Variants in GPR39 observed in about 807,000 individuals in gnomAD.
The protein encoded by GPR39 is G protein-coupled receptor 39, also known as zinc sensing receptor.
GPR39 carries 23 observed loss-of-function variants against 18.4 expected under a neutral mutation model. That is an observed-to-expected ratio of 1.25 (90% CI 0.90 to 1.77). The LOEUF (loss-of-function observed/expected upper bound fraction) is 1.77. Ranked by LOEUF, GPR39 falls within the 40% of genes most tolerant of loss-of-function variation. The pLI is 0.00. For missense variants in GPR39, 647 were observed against 602.4 expected, an observed-to-expected ratio of 1.07 and a Z score of -0.78; for synonymous variants, 280 against 257.9, an observed-to-expected ratio of 1.09 and a Z score of -0.82.
chr2:132,515,070 A>C (rs1253331740), intron 1 of GPR39, among the ~76,000 whole-genome samples: 1 of 152,204 alleles, frequency 6.6e-6, no homozygotes, highest in Non-Finnish European at 1.5e-5. Context: ...AATTGTGATG[A>C]CCATTGTCCC....
intron 1 of GPR39, among the ~76,000 whole-genome samples, chr2:132,482,076 G>C (rs144268431): frequency 6.6e-6 from 1 of 152,108 alleles, no homozygotes; most frequent in Admixed American, 6.6e-5. Flanking sequence ...CTAAATAATG[G>C]CTCTGCATTG....
intron 1 of GPR39, among the ~76,000 whole-genome samples, chr2:132,419,668 C>T (rs977010263): frequency 4.7e-4 from 72 of 152,298 alleles, no homozygotes; most frequent in African/African-American, 1.7e-3. Flanking sequence ...TCCCTTCCTC[C>T]ATAAATATTC....
At chr2:132,605,890 G>A (rs578221137) in intron 1 of GPR39, among the ~76,000 whole-genome samples, 17 of 152,302 alleles carry the variant, frequency 1.1e-4, no homozygotes, top group Non-Finnish European at 1.5e-4. Context: ...CTGAGCTGTC[G>A]TTTTACAAAC....
rs933778420 is a variant in GPR39 at position 132,625,522 on chromosome 2, A to G, written c.857-19579A>G. Among the ~76,000 whole-genome samples, 8 of 152,178 alleles carry G rather than the reference A, an allele frequency of 5.3e-5. No homozygotes were observed. The South Asian group carries it at 8.3e-4, about 16-fold the overall frequency. On this transcript the variant is annotated intron_variant, in intron 1 of 1. Transcript: ENST00000329321. ...GACTTCTCGGCACATAGTGCATTCC[A>G]GTTTTACGAAGATTTAAAGAGACAA...
At chr2:132,567,921 G>A (rs1370129171) in intron 1 of GPR39, among the ~76,000 whole-genome samples, 1 of 152,124 alleles carries the variant, frequency 6.6e-6, no homozygotes, top group Non-Finnish European at 1.5e-5. Flanking sequence ...CGCTATGTGA[G>A]ACATGCCTTT....
intron 1 of GPR39, among the ~76,000 whole-genome samples, chr2:132,502,411 T>C (rs1454844286): frequency 6.6e-6 from 1 of 152,164 alleles, no homozygotes; most frequent in Non-Finnish European, 1.5e-5. Context: ...CCCCAATCGC[T>C]TCTAGCTTGT....
chr2:132,575,712 T>C (rs576711830), intron 1 of GPR39, among the ~76,000 whole-genome samples: 6 of 152,342 alleles, frequency 3.9e-5, no homozygotes, highest in East Asian at 1.9e-4. Flanking sequence ...TGATATTGAA[T>C]GTCCTGCATG....
intron 1 of GPR39, among the ~76,000 whole-genome samples, chr2:132,585,589 C>T (rs1680709440): frequency 6.6e-6 from 1 of 152,230 alleles, no homozygotes; most frequent in Non-Finnish European, 1.5e-5. Flanking sequence ...ACCGCCGGCG[C>T]GGCTCCACGG....
rs1480634272 is a variant in GPR39 at position 132,591,265 on chromosome 2, AAAAAAAAAAAAAC to A, written c.857-53826_857-53814del. ...AGAGCGAGACTCCGTCTCAAAAAAA[AAAAAAAAAAAAAC>A]AAAAAAAAACAGAGGAACATTGTAG... On this transcript the variant is annotated intron_variant, in intron 1 of 1. Transcript: ENST00000329321. 2.4e-3 allele frequency among the ~76,000 whole-genome samples: 287 copies of A among 120,352 alleles called. 2 individuals carry two copies. The highest frequency in any genetic ancestry group is 9.9e-3 in the African/African-American group (252 of 25,376). 79.0% of individuals were successfully genotyped at this position (120,352 alleles called of 152,430 possible).
intron 1 of GPR39, among the ~76,000 whole-genome samples, chr2:132,576,406 A>C (rs1234237036): frequency 6.6e-6 from 1 of 151,982 alleles, no homozygotes; most frequent in African/African-American, 2.4e-5. Flanking sequence ...TAATTACAGC[A>C]CTTGAGGAGT....
At chr2:132,445,220 T>C (rs969960864) in intron 1 of GPR39, among the ~76,000 whole-genome samples, 2 of 152,246 alleles carry the variant, frequency 1.3e-5, no homozygotes, top group African/African-American at 4.8e-5. Context: ...GATTTTTTGT[T>C]TTAAATGTTA....
At chr2:132,562,806 A>G (rs1448312959) in intron 1 of GPR39, among the ~76,000 whole-genome samples, 1 of 152,172 alleles carries the variant, frequency 6.6e-6, no homozygotes, top group African/African-American at 2.4e-5. Flanking sequence ...CTCTTCCTAC[A>G]TCTCTAACTT....
intron 1 of GPR39, among the ~76,000 whole-genome samples, chr2:132,424,178 GA>G (rs1680071228): frequency 6.6e-6 from 1 of 152,322 alleles, no homozygotes; most frequent in South Asian, 2.1e-4. Context: ...AGATGAAAGT[GA>G]CTAGGGTGGT....
chr2:132,476,460 A>G (rs1681127507), intron 1 of GPR39, among the ~76,000 whole-genome samples: 1 of 151,752 alleles, frequency 6.6e-6, no homozygotes, highest in African/African-American at 2.4e-5. Context: ...ACATGGTGAA[A>G]CCCTGTCTCC....
At chr2:132,531,627 A>G (rs1468222988) in intron 1 of GPR39, among the ~76,000 whole-genome samples, 2 of 152,230 alleles carry the variant, frequency 1.3e-5, no homozygotes, top group East Asian at 3.8e-4. Flanking sequence ...AATGTAAAAG[A>G]ACAGAAATTA....
intron 1 of GPR39, among the ~76,000 whole-genome samples, chr2:132,640,008 G>C (rs574693954): frequency 6.6e-6 from 1 of 152,114 alleles, no homozygotes. Flanking sequence ...CTGGCCCCAG[G>C]AGATCTTGGG....
At chr2:132,489,434 C>T (rs781698847) in intron 1 of GPR39, among the ~76,000 whole-genome samples, 1 of 152,028 alleles carries the variant, frequency 6.6e-6, no homozygotes. Context: ...GGCGGCAGGC[C>T]GTGGGGCTGC....
chr2:132,644,907 TTGAAACAG>T, intron 1 of GPR39, 186 bp from the exon 2 acceptor site: 1 of 605,814 alleles, frequency 1.7e-6, no homozygotes, highest in African/African-American at 2.3e-5. Context: ...TCCCCCGGGT[TTGAAACAG>T]TGTTAAATTC....
intron 1 of GPR39, among the ~76,000 whole-genome samples, chr2:132,483,607 G>A (rs1047769247): frequency 6.6e-6 from 1 of 152,204 alleles, no homozygotes; most frequent in Non-Finnish European, 1.5e-5. Flanking sequence ...GGCTGGTCTT[G>A]TCTCTCAAAA....
Sources: gnomAD v4.1 joint callset for allele counts (sites outside exome capture counted in the v4.1 genomes callset) on GRCh38, gnomAD v4.1.1 for gene constraint, MANE v1.5 for transcripts, NCBI Gene and HGNC (gene_info 2026-07-23, HGNC 2026-07-21) for gene names.